The following ABCC1 variants were observed in gnomAD, a reference collection of about 807,000 sequenced individuals.
ABCC1 encodes the protein multidrug resistance-associated protein 1.
A neutral mutation model predicts 172.9 loss-of-function variants in ABCC1; 83 were observed. The ratio of observed to expected loss-of-function variants is 0.48; its 90% CI spans 0.40 to 0.58. The LOEUF (loss-of-function observed/expected upper bound fraction) is 0.58. Ranked by LOEUF, ABCC1 falls within the 20% of genes least tolerant of loss-of-function variation. The pLI, the probability that ABCC1 is intolerant of heterozygous loss-of-function variation, is 0.00. For synonymous variants in ABCC1, 937 were observed against 825.2 expected, an observed-to-expected ratio of 1.14 and a Z score of -2.32; for missense variants, 1,817 against 2,002.7, an observed-to-expected ratio of 0.91 and a Z score of 1.77.
intron 27 of ABCC1, among the ~76,000 whole-genome samples, chr16:16,132,940 C>A (rs187641963): frequency 6.6e-6 from 1 of 152,262 alleles, no homozygotes; most frequent in African/African-American, 2.4e-5. Flanking sequence ...AATCCTCCCC[C>A]GCCTGGCTCT....
intron 2 of ABCC1, among the ~76,000 whole-genome samples, chr16:16,008,955 T>G (rs558486799): frequency 6.6e-5 from 10 of 151,660 alleles, no homozygotes; most frequent in East Asian, 3.9e-4. Flanking sequence ...TGTTGTTGTT[T>G]TTTGTTTTTT....
intron 9 of ABCC1, 139 bp downstream of exon 9, chr16:16,046,152 G>A: frequency 1.1e-6 from 1 of 942,142 alleles, no homozygotes; most frequent in Non-Finnish European, 1.6e-6. Flanking sequence ...GTGACCTTAG[G>A]TGGCAGGGAC....
intron 7 of ABCC1, 122 bp from the exon 8 acceptor site, chr16:16,044,327 TC>T (rs2049109843): frequency 4.7e-6 from 4 of 854,202 alleles, no homozygotes; most frequent in Non-Finnish European, 5.6e-6. Flanking sequence ...GCTGCCTCTT[TC>T]CCTGGGCTTG....
intron 5 of ABCC1, 90 bp downstream of exon 5, chr16:16,016,711 G>A: frequency 6.5e-7 from 1 of 1,547,982 alleles, no homozygotes; most frequent in Non-Finnish European, 8.8e-7. Context: ...GATCCATCCA[G>A]GATCTCGTTC....
chr16:16,050,236 G>A (rs1481334848), intron 10 of ABCC1, among the ~76,000 whole-genome samples: 1 of 152,118 alleles, frequency 6.6e-6, no homozygotes, highest in Admixed American at 6.6e-5. Context: ...AGGCCAAGGC[G>A]GGTGGATCAT....
chr16:16,116,457 T>G (rs1307279250), intron 23 of ABCC1, among the ~76,000 whole-genome samples: 1 of 152,202 alleles, frequency 6.6e-6, no homozygotes, highest in East Asian at 1.9e-4. Flanking sequence ...AAAGTTTAAT[T>G]TATAAATTTG....
At chr16:16,070,391 G>A (rs761503892) in intron 13 of ABCC1, among the ~76,000 whole-genome samples, 2 of 150,564 alleles carry the variant, frequency 1.3e-5, no homozygotes, top group African/African-American at 2.5e-5. Flanking sequence ...AAGGTTGGGC[G>A]CAGTGGCTCA....
At chr16:16,059,797 C>T (rs970387571) in intron 12 of ABCC1, among the ~76,000 whole-genome samples, 28 of 151,820 alleles carry the variant, frequency 1.8e-4, no homozygotes, top group African/African-American at 6.5e-4. Context: ...GAGTGAGACC[C>T]TTTCCTGCTG....
rs371419342 is a variant in ABCC1 at position 16,071,027 on chromosome 16, C to T, written c.1825-615C>T. On this transcript the variant is annotated intron_variant, in intron 13 of 30. Coordinates refer to ENST00000399410, the MANE Select transcript of ABCC1 (RefSeq NM_004996.4). ...ATTGGCTCTGTTGCATTTGCTGTTA[C>T]GTTTCCAGAGTCCCTTTTCCACCAG... Among the ~76,000 whole-genome samples, 159 of 152,242 alleles carry T rather than the reference C, an allele frequency of 1.0e-3. 1 individual carries two copies. The South Asian group carries it at 0.031, about 30-fold the overall frequency.
chr16:15,966,618 A>G (rs2046248876), intron 1 of ABCC1, among the ~76,000 whole-genome samples: 1 of 150,024 alleles, frequency 6.7e-6, no homozygotes, highest in South Asian at 2.1e-4. Context: ...GATCTCTCTG[A>G]GTGCTGCAAT....
chr16:15,999,802 T>TCTCTCTC (rs1269321446), intron 1 of ABCC1, among the ~76,000 whole-genome samples: 1 of 31,858 alleles, frequency 3.1e-5, no homozygotes, highest in African/African-American at 7.9e-5. Flanking sequence ...TCTCTCTCTC[T>TCTCTCTC]CTCTCTCCTC....
intron 16 of ABCC1, among the ~76,000 whole-genome samples, chr16:16,080,457 C>T (rs1383876172): frequency 3.3e-5 from 5 of 152,124 alleles, no homozygotes; most frequent in African/African-American, 1.2e-4. Flanking sequence ...GCTTAAGAGG[C>T]TCCTTTACAA....
At position 16,046,017 on chromosome 16, in the gene ABCC1, G is replaced by A. The variant is rs1251069418; in HGVS notation, c.1218+4G>A. ...CATTGGGGCTGTCTATCGGAAGGTA[G>A]GGGACGCTGTGCCATTGGCATGTGG... On this transcript the variant is annotated splice_donor_region_variant and intron_variant, in intron 9 of 30. Transcript: ENST00000399410. The A allele has an allele frequency of 3.1e-6, 5 of 1,613,902 alleles. No homozygotes were observed. Among genetic ancestry groups the A allele is most frequent in the Admixed American group, 1.7e-5 (1 of 60,004 alleles).
At chr16:16,006,976 G>A (rs2047563966) in intron 1 of ABCC1, among the ~76,000 whole-genome samples, 1 of 151,900 alleles carries the variant, frequency 6.6e-6, no homozygotes. Flanking sequence ...GTCATAGTGG[G>A]GAAGGTGATG....
chr16:16,048,947 C>T (rs1229601957), intron 10 of ABCC1, among the ~76,000 whole-genome samples: 1 of 151,476 alleles, frequency 6.6e-6, no homozygotes, highest in Non-Finnish European at 1.5e-5. Context: ...TGGGCCATTG[C>T]ACTCCAGCCT....
At chr16:16,051,341 A>G (rs528127633) in intron 10 of ABCC1, among the ~76,000 whole-genome samples, 1 of 150,920 alleles carries the variant, frequency 6.6e-6, no homozygotes, top group South Asian at 2.1e-4. Flanking sequence ...TGGCTAAGTT[A>G]TTTATTTTTT....
intron 1 of ABCC1, among the ~76,000 whole-genome samples, chr16:15,962,587 T>C (rs572912947): frequency 1.7e-4 from 26 of 152,270 alleles, no homozygotes; most frequent in African/African-American, 4.8e-4. Flanking sequence ...TCAGGAAACT[T>C]AAAATGATGG....
At position 16,090,475 on chromosome 16, in the gene ABCC1, G is replaced by C. The variant is rs1186727239; in HGVS notation, c.2531G>C (p.Gly844Ala). The C allele has an allele frequency of 6.2e-7, 1 of 1,613,804 alleles. No homozygotes were observed. Among genetic ancestry groups the C allele is most frequent in the Non-Finnish European group, 8.5e-7 (1 of 1,179,934 alleles). The change falls in exon 19 of 31, where the codon GGC becomes GCC. Residue 844 changes from glycine to alanine, a missense_variant. Physicochemically the swap from Gly to Ala is moderately conservative, Grantham distance 60. Coordinates refer to ENST00000399410, the MANE Select transcript of ABCC1 (RefSeq NM_004996.4). ...GACGTCATCATCGTCATGAGTGGCGGCAAGATCTCTGAGATGGGCTCCTAC... is the reference window on the plus strand; with the variant it reads ...GACGTCATCATCGTCATGAGTGGCGCCAAGATCTCTGAGATGGGCTCCTAC... The part of the protein sequence containing the change: ...QVDVIIVMSG[G>A]KISEMGSYQE...
At position 16,138,429 on chromosome 16, in the gene ABCC1, T is replaced by C; in HGVS notation, c.4358T>C (p.Leu1453Ser). 6.2e-7 allele frequency: 1 copy of C among 1,612,312 alleles called. No homozygotes were observed. Among genetic ancestry groups the C allele is most frequent in the Non-Finnish European group, 8.5e-7 (1 of 1,178,538 alleles). ...CTGAGGAAGACGAAGATCCTTGTGT[T>C]GGATGAGGCCACGGCAGCCGTGGAC... ...ALLRKTKILV[L>S]DEATAAVDLE... The change falls in exon 30 of 31, where the codon TTG becomes TCG. Residue 1453 changes from leucine (L) to serine (S), a missense_variant. Leu to Ser is a moderately radical substitution (Grantham distance 145). Around this residue, in one of 3 missense-constraint regions of ABCC1, gnomAD observed 1,412 missense variants for 1,600.3 expected, o/e 0.88. Coordinates refer to ENST00000399410, the MANE Select transcript of ABCC1 (RefSeq NM_004996.4).
Sources: allele counts gnomAD v4.1 joint callset (sites outside exome capture counted in the v4.1 genomes callset), GRCh38; gene constraint gnomAD v4.1.1; regional missense constraint gnomAD v4.1.1; transcripts MANE v1.5; gene names NCBI Gene and HGNC (gene_info 2026-07-23, HGNC 2026-07-21).